HERC3: variants seen among roughly 807,000 people sequenced by gnomAD.
HERC3 encodes the protein probable E3 ubiquitin-protein ligase HERC3.
HERC3 carries 58 observed loss-of-function variants against 129.9 expected under a neutral mutation model. The ratio of observed to expected loss-of-function variants is 0.45; its 90% confidence interval spans 0.36 to 0.56. HERC3 has a LOEUF of 0.56. Among genes scored for constraint, HERC3 ranks in the 20% least tolerant of loss-of-function variants. The pLI, the probability that HERC3 is intolerant of heterozygous loss-of-function variation, is 0.00. For synonymous variants in HERC3, 430 were observed against 451.0 expected, an observed-to-expected ratio of 0.95 and a Z score of 0.59; for missense variants, 835 against 1,244.2, an observed-to-expected ratio of 0.67 and a Z score of 4.95.
chr4:88,690,178 G>GT (rs1733929049), intron 23 of HERC3: 18 of 984,834 alleles, frequency 1.8e-5, no homozygotes, highest in Non-Finnish European at 2.2e-5. Flanking sequence ...GCTAAAAGCA[G>GT]TTTCCTTTAT....
chr4:88,685,557 T>G (rs948158860), intron 21 of HERC3, among the ~76,000 whole-genome samples: 1 of 151,956 alleles, frequency 6.6e-6, no homozygotes, highest in African/African-American at 2.4e-5. Flanking sequence ...TGAGAACATG[T>G]GGACACAGGG....
chr4:88,662,518 C>A lies in HERC3; in HGVS notation c.1234C>A (p.Gln412Lys). 1 of 1,613,490 alleles carries A rather than the reference C, an allele frequency of 6.2e-7. No homozygotes were observed. Among genetic ancestry groups the A allele is most frequent in the Non-Finnish European group, 8.5e-7 (1 of 1,179,696 alleles). ...INDETIAVWR[Q>K]KLSEHNNANT... ...TGATGAAACCATAGCAGTTTGGAGA[C>A]AAAAACTCTCAGAACACAACAATGC... is the stretch of plus-strand genomic sequence containing the variant. The change falls in exon 11 of 26, where the codon CAA (glutamine) becomes AAA (lysine). Residue 412 changes from glutamine to lysine, a missense_variant. Coordinates refer to ENST00000402738, the MANE Select transcript of HERC3 (RefSeq NM_014606.3).
chr4:88,609,507 G>A (rs1180260930), intron 3 of HERC3, among the ~76,000 whole-genome samples: 2 of 152,176 alleles, frequency 1.3e-5, no homozygotes, highest in African/African-American at 4.8e-5. Context: ...TAAGCTGGGA[G>A]TTTGAGAACT....
intron 21 of HERC3, 77 bp from the exon 22 acceptor site, chr4:88,686,659 A>G: frequency 1.1e-6 from 1 of 902,162 alleles, no homozygotes; most frequent in Non-Finnish European, 1.9e-6. Flanking sequence ...AATGGTCTGG[A>G]CATGTAACTG....
the HERC3 span, among the ~76,000 whole-genome samples, chr4:88,582,028 T>C: frequency 6.6e-6 from 1 of 152,204 alleles, no homozygotes; most frequent in Admixed American, 6.5e-5. Flanking sequence ...TTAAATTTGA[T>C]GTCAACCCCG....
At chr4:88,633,388 TA>T (rs1455519994) in intron 3 of HERC3, among the ~76,000 whole-genome samples, 1 of 152,184 alleles carries the variant, frequency 6.6e-6, no homozygotes, top group East Asian at 1.9e-4. Flanking sequence ...AAGATTACTG[TA>T]ACTTAAAGGG....
chr4:88,579,322 A>G, the HERC3 span, among the ~76,000 whole-genome samples: 1 of 151,748 alleles, frequency 6.6e-6, no homozygotes, highest in Non-Finnish European at 1.5e-5. Flanking sequence ...CAGAAGAATC[A>G]CTTGAGCCTG....
At chr4:88,552,931 T>C in the HERC3 span, among the ~76,000 whole-genome samples, 1 of 152,220 alleles carries the variant, frequency 6.6e-6, no homozygotes, top group African/African-American at 2.4e-5. Context: ...GACTGGATTA[T>C]CCATCTGTCT....
chr4:88,693,534 TA>T, intron 23 of HERC3: 1 of 961,332 alleles, frequency 1.0e-6, no homozygotes, highest in Non-Finnish European at 1.2e-6. Flanking sequence ...AATATTTGTT[TA>T]AAAAATGAAT....
At chr4:88,676,955 C>T (rs1048257901) in intron 18 of HERC3, among the ~76,000 whole-genome samples, 3 of 152,080 alleles carry the variant, frequency 2.0e-5, no homozygotes, top group Admixed American at 6.5e-5. Flanking sequence ...GCCTGGCCAA[C>T]GTGGTAAAAC....
At chr4:88,691,971 A>T (rs1252885464) in intron 23 of HERC3, among the ~76,000 whole-genome samples, 1 of 152,242 alleles carries the variant, frequency 6.6e-6, no homozygotes, top group East Asian at 1.9e-4. Context: ...ATGCCAGAGG[A>T]ATACCAATTC....
intron 3 of HERC3, among the ~76,000 whole-genome samples, chr4:88,624,346 AT>A (rs1263985260): frequency 6.6e-6 from 1 of 152,176 alleles, no homozygotes; most frequent in Admixed American, 6.5e-5. Context: ...ACTGCCAGTA[AT>A]TTATGAGAGT....
At chr4:88,664,907 T>G (rs1730880637) in intron 12 of HERC3, among the ~76,000 whole-genome samples, 1 of 152,184 alleles carries the variant, frequency 6.6e-6, no homozygotes, top group African/African-American at 2.4e-5. Context: ...TTGCTTAGCC[T>G]TATCCCTTCT....
At chr4:88,697,295 C>T (rs13109442) in intron 23 of HERC3, 19 of 1,606,944 alleles carry the variant, frequency 1.2e-5, no homozygotes, top group Non-Finnish European at 1.4e-5. Context: ...TCCTCCTCCT[C>T]GTCTTCCCCC....
At chr4:88,647,808 CTTT>C (rs201939681) in intron 3 of HERC3, among the ~76,000 whole-genome samples, 3 of 135,362 alleles carry the variant, frequency 2.2e-5, no homozygotes, top group Admixed American at 7.4e-5. Flanking sequence ...AACTCTTTAG[CTTT>C]TTTTTTTTTT....
chr4:88,625,034 C>T (rs996006162), intron 3 of HERC3, among the ~76,000 whole-genome samples: 23 of 152,194 alleles, frequency 1.5e-4, no homozygotes, highest in Admixed American at 1.1e-3. Flanking sequence ...TTTGTGGACC[C>T]TGTATTCTGT....
intron 3 of HERC3, among the ~76,000 whole-genome samples, chr4:88,607,292 T>G (rs952122462): frequency 6.6e-6 from 1 of 152,076 alleles, no homozygotes; most frequent in South Asian, 2.1e-4. Context: ...GGTGCAATAC[T>G]TGTTCAAGGC....
At chr4:88,538,576 C>G in the HERC3 span, among the ~76,000 whole-genome samples, 6 of 145,290 alleles carry the variant, frequency 4.1e-5, no homozygotes, top group African/African-American at 1.5e-4. Context: ...CGAAGTCTCG[C>G]TCTGTCACCC....
the HERC3 span, chr4:88,528,020 A>T: frequency 3.5e-6 from 1 of 285,348 alleles, no homozygotes; most frequent in South Asian, 3.8e-5. Flanking sequence ...AAAGGTTGCT[A>T]TGCAAAAGCG....
Sources: allele counts gnomAD v4.1 joint callset (sites outside exome capture counted in the v4.1 genomes callset), GRCh38; gene constraint gnomAD v4.1.1; transcripts MANE v1.5; gene names NCBI Gene and HGNC (gene_info 2026-07-23, HGNC 2026-07-21).